The following PTPRD variants were observed in gnomAD, a reference collection of about 807,000 sequenced individuals.
PTPRD encodes the protein receptor-type tyrosine-protein phosphatase delta.
A neutral mutation model predicts 214.5 loss-of-function variants in PTPRD; 34 were observed. The ratio of observed to expected loss-of-function variants is 0.16; its 90% CI spans 0.12 to 0.21. PTPRD has a LOEUF of 0.21. Ranked by LOEUF, PTPRD falls within the 10% of genes least tolerant of loss-of-function variation. The pLI, the probability that PTPRD is intolerant of heterozygous loss-of-function variation, is 1.00. For missense variants in PTPRD, 2,545 were observed against 2,398.7 expected (o/e 1.06, Z -1.27); for synonymous variants, 1,128 against 845.7 (o/e 1.33, Z -5.79).
At chr9:9,945,869 C>A (rs2092469196) in intron 4 of PTPRD, among the ~76,000 whole-genome samples, 1 of 152,036 alleles carries the variant, frequency 6.6e-6, no homozygotes, top group Admixed American at 6.6e-5. Flanking sequence ...AGCACACACA[C>A]AAATCTATAC....
chr9:10,138,293 A>G lies in PTPRD; in HGVS notation c.-544-104503T>C, dbSNP rs117391740. On this transcript the variant is annotated intron_variant, in intron 3 of 45. Coordinates refer to ENST00000381196, the MANE Select transcript of PTPRD (RefSeq NM_002839.4). Reference sequence around the variant, plus strand: ...ATACAAAGTAGGAAATCCAGAGGACATGAATACATTCCTAGAAACACACAA... The same window carrying G: ...ATACAAAGTAGGAAATCCAGAGGACGTGAATACATTCCTAGAAACACACAA... Among the ~76,000 whole-genome samples the G allele has an allele frequency of 3.2e-3, 484 of 152,232 alleles. 3 individuals carry two copies. The highest frequency in any genetic ancestry group is 5.8e-3 in the Non-Finnish European group (392 of 68,006).
chr9:9,122,093 C>G (rs111801913), intron 10 of PTPRD, among the ~76,000 whole-genome samples: 1,850 of 152,208 alleles, frequency 0.012, 50 homozygotes, highest in African/African-American at 0.042. Flanking sequence ...AAAAGTAGAT[C>G]CTTGAAAAGT....
rs182095752 is a variant in PTPRD at position 9,833,684 on chromosome 9, G to A, written c.-367-66833C>T. On this transcript the variant is annotated intron_variant, in intron 5 of 45. Coordinates refer to ENST00000381196, the MANE Select transcript of PTPRD (RefSeq NM_002839.4). ...ATAAGAGACAGGTACGCTCCGGAGA[G>A]GGGGGCAGTTCAGAGACCTACCCCT... Among the ~76,000 whole-genome samples, 30 of 144,980 alleles carry A rather than the reference G, an allele frequency of 2.1e-4. 2 individuals are homozygous for A. The East Asian group carries it at 6.1e-3, about 30-fold the overall frequency.
At chr9:9,336,225 G>T (rs1595968610) in intron 9 of PTPRD, among the ~76,000 whole-genome samples, 2 of 151,170 alleles carry the variant, frequency 1.3e-5, no homozygotes, top group African/African-American at 4.9e-5. Context: ...CCTCCAGAGA[G>T]AGTTACACAT....
intron 10 of PTPRD, among the ~76,000 whole-genome samples, chr9:9,133,371 G>C (rs1486126056): frequency 2.6e-5 from 4 of 152,036 alleles, no homozygotes; most frequent in Admixed American, 2.6e-4. Context: ...TGCATAACTT[G>C]GAGCTCTCTA....
chr9:8,684,517 G>A (rs2097636278), intron 12 of PTPRD, among the ~76,000 whole-genome samples: 1 of 151,998 alleles, frequency 6.6e-6, no homozygotes, highest in African/African-American at 2.4e-5. Context: ...AGGAAATCAT[G>A]TGACTAAGGT....
At chr9:8,945,808 AGCT>A (rs996848993) in intron 11 of PTPRD, among the ~76,000 whole-genome samples, 1 of 152,158 alleles carries the variant, frequency 6.6e-6, no homozygotes, top group African/African-American at 2.4e-5. Flanking sequence ...CCTTTCCATC[AGCT>A]AAACCAAATT....
At chr9:8,755,458 G>C (rs1173712276) in intron 11 of PTPRD, among the ~76,000 whole-genome samples, 4 of 151,498 alleles carry the variant, frequency 2.6e-5, no homozygotes, top group African/African-American at 9.7e-5. Flanking sequence ...GAACCTGGCA[G>C]GCAGAGGTTG....
chr9:9,934,453 T>C (rs201042257), intron 5 of PTPRD, among the ~76,000 whole-genome samples: 2 of 137,970 alleles, frequency 1.4e-5, no homozygotes, highest in Non-Finnish European at 3.2e-5. Flanking sequence ...AACGCCTCTA[T>C]GCAAATAAAC....
intron 9 of PTPRD, among the ~76,000 whole-genome samples, chr9:9,275,121 ATATATATT>A (rs1944748973): frequency 3.5e-5 from 2 of 56,728 alleles, no homozygotes; most frequent in African/African-American, 1.4e-4. Context: ...TATATATATT[ATATATATT>A]ATATATAATA....
intron 37 of PTPRD, among the ~76,000 whole-genome samples, chr9:8,384,630 G>A (rs1204151362): frequency 2.6e-5 from 4 of 152,112 alleles, no homozygotes; most frequent in Non-Finnish European, 4.4e-5. Flanking sequence ...CGGGTCAAGC[G>A]ATTCTCCTGC....
At chr9:8,910,910 A>G (rs573092772) in intron 11 of PTPRD, among the ~76,000 whole-genome samples, 2 of 152,342 alleles carry the variant, frequency 1.3e-5, no homozygotes, top group South Asian at 2.1e-4. Context: ...CAAGCCTTGT[A>G]CACAGAAGAC....
At chr9:9,121,929 A>C (rs1024077773) in intron 10 of PTPRD, among the ~76,000 whole-genome samples, 32 of 152,212 alleles carry the variant, frequency 2.1e-4, no homozygotes, top group Non-Finnish European at 2.9e-5. Context: ...CTCTCTAAAG[A>C]GTTTTGTAGT....
intron 10 of PTPRD, among the ~76,000 whole-genome samples, chr9:9,047,328 C>G (rs1390034239): frequency 6.6e-6 from 1 of 151,976 alleles, no homozygotes; most frequent in African/African-American, 2.4e-5. Context: ...CGCATACTAC[C>G]CAAAGCAATC....
At chr9:9,765,985 C>A (rs560648086) in intron 6 of PTPRD, among the ~76,000 whole-genome samples, 1 of 152,278 alleles carries the variant, frequency 6.6e-6, no homozygotes, top group East Asian at 1.9e-4. Context: ...TATGTTAGTT[C>A]AAGCAATTTT....
intron 9 of PTPRD, among the ~76,000 whole-genome samples, chr9:9,376,068 T>G (rs1296016950): frequency 8.6e-6 from 1 of 116,434 alleles, no homozygotes; most frequent in East Asian, 2.9e-4. Flanking sequence ...AATGAGAACT[T>G]GCTCATCATT....
At chr9:8,677,062 A>T (rs1268446757) in intron 12 of PTPRD, among the ~76,000 whole-genome samples, 1 of 152,244 alleles carries the variant, frequency 6.6e-6, no homozygotes, top group Non-Finnish European at 1.5e-5. Flanking sequence ...CGGCATTTTT[A>T]AATGGCTTGC....
intron 3 of PTPRD, among the ~76,000 whole-genome samples, chr9:10,039,348 C>A (rs1010973514): frequency 6.6e-6 from 1 of 151,906 alleles, no homozygotes; most frequent in African/African-American, 2.4e-5. Context: ...GTCCCTATAG[C>A]CAATTATTTG....
chr9:8,658,453 G>C (rs1396510100), intron 12 of PTPRD, among the ~76,000 whole-genome samples: 2 of 152,070 alleles, frequency 1.3e-5, no homozygotes, highest in African/African-American at 4.8e-5. Flanking sequence ...CATATTGAGA[G>C]CTTCAATGAG....
Sources: allele counts gnomAD v4.1 joint callset (sites outside exome capture counted in the v4.1 genomes callset), GRCh38; gene constraint gnomAD v4.1.1; transcripts MANE v1.5; gene names NCBI Gene and HGNC (gene_info 2026-07-23, HGNC 2026-07-21).